KDM1B: variants seen among roughly 807,000 people sequenced by gnomAD.
The protein encoded by KDM1B is lysine-specific histone demethylase 2.
A neutral mutation model predicts 107.4 loss-of-function variants in KDM1B; 63 were observed. That is an observed-to-expected ratio of 0.59 (90% CI 0.48 to 0.72). The LOEUF is 0.72. Among genes scored for constraint, KDM1B ranks in the 30% least tolerant of loss-of-function variants. The pLI is 0.00. For missense variants in KDM1B, 749 were observed against 1,020.8 expected (o/e 0.73, Z 3.63); for synonymous variants, 363 against 363.9 (o/e 1.00, Z 0.03).
intron 20 of KDM1B, among the ~76,000 whole-genome samples, chr6:18,216,431 G>T (rs1789241363): frequency 6.6e-6 from 1 of 152,166 alleles, no homozygotes; most frequent in Admixed American, 6.6e-5. Flanking sequence ...GCAATCCCTT[G>T]CTTGGGGTTT....
chr6:18,222,142 C>A lies in KDM1B; in HGVS notation c.*150C>A, dbSNP rs1273586543. The A allele has an allele frequency of 1.3e-6, 1 of 764,650 alleles. No individual in the cohort carries two copies. Among genetic ancestry groups the A allele is most frequent in the Non-Finnish European group, 2.3e-6 (1 of 431,722 alleles). 47.4% of individuals were successfully genotyped at this position (764,650 alleles called of 1,614,324 possible). ...GCGATATGATAATGCAAACCTATTT[C>A]ATCACTCTAAAAGCACTGACCTCAA... On this transcript the variant is annotated 3_prime_UTR_variant, in exon 22 of 22. Transcript: ENST00000650836.
chr6:18,212,433 G>GC lies in KDM1B; in HGVS notation c.1867-55_1867-54insC. On this transcript the variant is annotated intron_variant, in intron 17 of 21. Transcript: ENST00000650836. This position sits in a 1 kb window ranked among gnomAD's most constrained non-coding sequence, Gnocchi z 5.2. ...CATGGGTTGTTGATACCAGTGTAGT[G>GC]GTAGTGTGAGGTTCTGTTGCTGTTT... 10 of 987,874 alleles carry GC rather than the reference G, an allele frequency of 1.0e-5. No homozygotes were observed. Among genetic ancestry groups the GC allele is most frequent in the Non-Finnish European group, 1.5e-5 (9 of 608,788 alleles). The allele number at this position is 987,874 out of a possible 1,614,324, so 61.2% of individuals were successfully genotyped here.
intron 17 of KDM1B, among the ~76,000 whole-genome samples, chr6:18,208,651 TTTTTTTTTTTTG>T (rs1788592407): frequency 1.4e-5 from 1 of 73,440 alleles, no homozygotes; most frequent in African/African-American, 5.4e-5. Context: ...TTTTTTTTTT[TTTTTTTTTTTTG>T]AGATGGAGTC....
chr6:18,183,078 G>T (rs746559394), intron 7 of KDM1B, among the ~76,000 whole-genome samples: 1 of 152,084 alleles, frequency 6.6e-6, no homozygotes, highest in Non-Finnish European at 1.5e-5. Context: ...GACACAAAGA[G>T]TTATAATTTA....
chr6:18,175,848 C>A (rs376029633), intron 7 of KDM1B, among the ~76,000 whole-genome samples: 1 of 152,078 alleles, frequency 6.6e-6, no homozygotes, highest in African/African-American at 2.4e-5. Flanking sequence ...TATACCAGTA[C>A]CATGCTGTTT....
intron 5 of KDM1B, among the ~76,000 whole-genome samples, chr6:18,165,172 C>T (rs1260252489): frequency 2.0e-5 from 2 of 102,552 alleles, no homozygotes; most frequent in Non-Finnish European, 3.5e-5. Flanking sequence ...CTTACTCTGT[C>T]CCCCAGGCTG....
At chr6:18,220,694 T>C (rs915743838) in intron 21 of KDM1B, among the ~76,000 whole-genome samples, 17 of 152,152 alleles carry the variant, frequency 1.1e-4, no homozygotes, top group Non-Finnish European at 1.9e-4. Context: ...TTCAGGCTAC[T>C]GTGCCTTAGG....
At position 18,217,818 on chromosome 6, in the gene KDM1B, G is replaced by C; in HGVS notation, c.2318G>C (p.Gly773Ala). Residue 773 changes from glycine (G) to alanine (A), a missense_variant, in exon 21 of 22, where the codon GGT becomes GCT. Transcript: ENST00000650836. ...IQMAYSFVKT[G>A]GSGEAYDIIA... The stretch of plus-strand genomic sequence containing the variant: ...ATGGCATACAGTTTTGTGAAGACAG[G>C]TGGAAGTGGGGAGGCCTACGATATC... 1.9e-6 allele frequency: 3 copies of C among 1,614,058 alleles called. No individual in the cohort carries two copies. The South Asian group carries it at 3.3e-5, about 18-fold the overall frequency.
chr6:18,182,203 A>G (rs765641332), intron 7 of KDM1B, among the ~76,000 whole-genome samples: 7 of 152,022 alleles, frequency 4.6e-5, no homozygotes, highest in Non-Finnish European at 8.8e-5. Flanking sequence ...TTAAATTCCA[A>G]TTTCTATGGA....
In KDM1B at chr6:18,208,135, C is replaced by T; in HGVS notation, c.1795C>T (p.Gln599Ter). The T allele has an allele frequency of 6.2e-7, 1 of 1,611,724 alleles. No homozygotes were observed. The highest frequency in any genetic ancestry group is 8.5e-7 in the Non-Finnish European group (1 of 1,178,138). ...GLDIQLKSPV[Q>*]CIDYSGDEVQ... Reference sequence around the variant, plus strand: ...TTCATAATTGCTTTTTGAGCAGGTGCAGTGTATTGATTATTCTGGAGATGA... The same window carrying T: ...TTCATAATTGCTTTTTGAGCAGGTGTAGTGTATTGATTATTCTGGAGATGA... Residue 599 changes from glutamine to a stop codon, truncating the protein, a stop_gained, in exon 17 of 22, where the codon CAG (glutamine) becomes TAG (stop). Coordinates refer to ENST00000650836, the MANE Select transcript of KDM1B (RefSeq NM_001364614.2). LOFTEE classifies it high-confidence loss of function.
chr6:18,223,201 T>TAA lies in KDM1B; in HGVS notation c.*1211_*1212dup, dbSNP rs1789903848. 6.5e-6 allele frequency: 1 copy of TAA among 152,724 alleles called. No individual in the cohort carries two copies. 9.5% of individuals were successfully genotyped at this position (152,724 alleles called of 1,614,324 possible). A position where few individuals can be genotyped will look rare whatever the true frequency, so the allele number is the denominator to read the frequency against. ...TACTGGTTTGCTTTAAAGAAGGGAC[T>TAA]AAATATGACTTTAAAGAGACTTCAA... is the stretch of plus-strand genomic sequence containing the variant. On this transcript the variant is annotated 3_prime_UTR_variant, in exon 22 of 22. Transcript: ENST00000650836.
rs1175471701 is a variant in KDM1B at position 18,162,058 on chromosome 6, C to T, written c.215+604C>T. Among the ~76,000 whole-genome samples the T allele has an allele frequency of 4.6e-5, 7 of 152,200 alleles. No homozygotes were observed. The highest frequency in any genetic ancestry group is 1.4e-4 in the African/African-American group (6 of 41,514). Reference sequence around the variant, plus strand: ...AAAGAGGGCCAGGCATGGTGGCATGCGCCTGTAATCCCAGCACTTTGAGAG... The same window carrying T: ...AAAGAGGGCCAGGCATGGTGGCATGTGCCTGTAATCCCAGCACTTTGAGAG... On this transcript the variant is annotated intron_variant, in intron 4 of 21. Coordinates refer to ENST00000650836, the MANE Select transcript of KDM1B (RefSeq NM_001364614.2). The surrounding 1 kb of genome is among the most constrained non-coding windows in gnomAD (Gnocchi z 4.1).
chr6:18,206,347 CTCT>C (rs1788371866), intron 15 of KDM1B, among the ~76,000 whole-genome samples: 3 of 151,894 alleles, frequency 2.0e-5, no homozygotes, highest in African/African-American at 7.3e-5. Flanking sequence ...AAAATCCTGT[CTCT>C]ACAAAACATA....
At chr6:18,218,716 G>A (rs937291103) in intron 21 of KDM1B, among the ~76,000 whole-genome samples, 1 of 151,908 alleles carries the variant, frequency 6.6e-6, no homozygotes, top group Non-Finnish European at 1.5e-5. Flanking sequence ...CCCATACCCT[G>A]GGTTTGTCTC....
In KDM1B at chr6:18,213,297, G is replaced by A. The variant is rs922281234; in HGVS notation, c.1984-359G>A. Among the ~76,000 whole-genome samples, 7 of 152,072 alleles carry A rather than the reference G, an allele frequency of 4.6e-5. No homozygotes were observed. Among genetic ancestry groups the A allele is most frequent in the Non-Finnish European group, 7.4e-5 (5 of 68,002 alleles). On this transcript the variant is annotated intron_variant, in intron 18 of 21. Coordinates refer to ENST00000650836, the MANE Select transcript of KDM1B (RefSeq NM_001364614.2). This position sits in a 1 kb window ranked among gnomAD's most constrained non-coding sequence, Gnocchi z 5.9. ...ACTAAAAATACAAAATTCGCTGGGC[G>A]TGGTGGTGTGCACCTGTAATCCCAG... is the stretch of plus-strand genomic sequence containing the variant.
chr6:18,172,041 T>C lies in KDM1B; in HGVS notation c.534+562T>C, dbSNP rs763603917. 3.0e-4 allele frequency among the ~76,000 whole-genome samples: 46 copies of C among 152,222 alleles called. No homozygotes were observed. Among genetic ancestry groups the C allele is most frequent in the Non-Finnish European group, 6.2e-4 (42 of 68,034 alleles). ...TATATAATGATGTTGACACCATAAA[T>C]GCAGCTTCCCTAACTATAGTGAGGA... On this transcript the variant is annotated intron_variant, in intron 7 of 21. Coordinates refer to ENST00000650836, the MANE Select transcript of KDM1B (RefSeq NM_001364614.2). This position sits in a 1 kb window ranked among gnomAD's most constrained non-coding sequence, Gnocchi z 5.2.
rs775222048 is a variant in KDM1B at position 18,197,319 on chromosome 6, A to G, written c.1146+86A>G. The G allele has an allele frequency of 8.1e-7, 1 of 1,236,626 alleles. No homozygotes were observed. The highest frequency in any genetic ancestry group is 1.1e-6 in the Non-Finnish European group (1 of 888,580). 76.6% of individuals were successfully genotyped at this position (1,236,626 alleles called of 1,614,324 possible). A position where few individuals can be genotyped will look rare whatever the true frequency, so the allele number is the denominator to read the frequency against. On this transcript the variant is annotated intron_variant, in intron 11 of 21. Transcript: ENST00000650836. This position sits in a 1 kb window ranked among gnomAD's most constrained non-coding sequence, Gnocchi z 4.5. The stretch of plus-strand genomic sequence containing the variant: ...GCTGTTAATAAATATAGTAAAAGCC[A>G]CATTATCACCATAAAACTTAACAGA...
chr6:18,185,642 C>T (rs1177673689), intron 7 of KDM1B, 130 bp from the exon 8 acceptor site: 8 of 821,384 alleles, frequency 9.7e-6, no homozygotes, highest in Non-Finnish European at 1.7e-5. Flanking sequence ...CTGATTTATA[C>T]ATTGTTTCAT....
rs1359738215 is a variant in KDM1B at position 18,155,525 on chromosome 6, G to T, written c.-104G>T. The T allele has an allele frequency of 6.5e-6, 1 of 152,994 alleles. No homozygotes were observed. Among genetic ancestry groups the T allele is most frequent in the Non-Finnish European group, 1.5e-5 (1 of 68,256 alleles). 9.5% of individuals were successfully genotyped at this position (152,994 alleles called of 1,614,324 possible). On this transcript the variant is annotated 5_prime_UTR_variant, in exon 1 of 22. Transcript: ENST00000650836. The surrounding 1 kb of genome is among the most constrained non-coding windows in gnomAD (Gnocchi z 6.2). Reference sequence around the variant, plus strand: ...GCGCGCGGCGCGCGGCTCCGGAGAGGCGCCCGCAGTCCAGGGCGGCGCGCA... The same window carrying T: ...GCGCGCGGCGCGCGGCTCCGGAGAGTCGCCCGCAGTCCAGGGCGGCGCGCA...
Sources: allele counts gnomAD v4.1 joint callset (sites outside exome capture counted in the v4.1 genomes callset), GRCh38; gene constraint gnomAD v4.1.1; non-coding constraint Gnocchi (gnomAD v3.1); transcripts MANE v1.5; gene names NCBI Gene and HGNC (gene_info 2026-07-23, HGNC 2026-07-21).